ZNF487: variants seen among roughly 807,000 people sequenced by gnomAD.
ZNF487 encodes zinc finger protein 487.
Under a neutral mutation model 3.0 loss-of-function variants are expected in ZNF487, and 4 were observed. The ratio of observed to expected loss-of-function variants is 1.35; its 90% CI spans 0.66 to 3.08. The LOEUF (loss-of-function observed/expected upper bound fraction) is 3.08, where lower values mean the gene tolerates loss of function less well. Among genes scored for constraint, ZNF487 ranks in the 30% most tolerant of loss-of-function variants. ZNF487 has a pLI of 0.01. For synonymous variants in ZNF487, 55 were observed against 34.6 expected (o/e 1.59, Z -2.06); for missense variants, 146 against 98.7 (o/e 1.48, Z -2.03).
intron 1 of ZNF487, chr10:43,451,867 T>G (rs551895773): frequency 5.3e-5 from 8 of 152,278 alleles, no homozygotes; most frequent in Admixed American, 1.3e-4. Flanking sequence ...ACCTGGCCAG[T>G]TTGCACCATT....
At chr10:43,464,863 CCGTT>C (rs1413189798) in intron 1 of ZNF487, among the ~76,000 whole-genome samples, 29 of 152,328 alleles carry the variant, frequency 1.9e-4, no homozygotes, top group Non-Finnish European at 3.5e-4. Context: ...TCATCATGGC[CCGTT>C]CTTAATGAGC....
intron 1 of ZNF487, among the ~76,000 whole-genome samples, chr10:43,473,232 C>G (rs902806202): frequency 6.9e-6 from 1 of 145,596 alleles, no homozygotes; most frequent in Non-Finnish European, 1.5e-5. Context: ...CTCAGCCTCC[C>G]GAGTAGCCAT....
chr10:43,499,344 A>C, the ZNF487 span, among the ~76,000 whole-genome samples: 1 of 152,244 alleles, frequency 6.6e-6, no homozygotes, highest in African/African-American at 2.4e-5. Flanking sequence ...TAATAATTAC[A>C]GGAAGTGAAA....
At chr10:43,497,911 G>A in the ZNF487 span, among the ~76,000 whole-genome samples, 5 of 149,250 alleles carry the variant, frequency 3.4e-5, no homozygotes, top group South Asian at 2.1e-4. Flanking sequence ...AGCTTGCAGC[G>A]AGCCGAGATT....
chr10:43,441,836 G>A (rs538659581), intron 1 of ZNF487, among the ~76,000 whole-genome samples: 1 of 151,550 alleles, frequency 6.6e-6, no homozygotes, highest in Non-Finnish European at 1.5e-5. Flanking sequence ...ATCCACCCGC[G>A]TTGGCCTCCC....
the ZNF487 span, among the ~76,000 whole-genome samples, chr10:43,498,096 TATATTTTTTTTTTTTTTC>T: frequency 7.7e-3 from 81 of 10,462 alleles, 7 homozygotes; most frequent in African/African-American, 0.02. Context: ...TATATATATA[TATATTTTTTTTTTTTTTC>T]TTTTTTTTTT....
intron 1 of ZNF487, among the ~76,000 whole-genome samples, chr10:43,455,904 G>C (rs1270473081): frequency 6.6e-6 from 1 of 152,244 alleles, no homozygotes; most frequent in African/African-American, 2.4e-5. Context: ...GGCGGGCACC[G>C]CCCGCTCTAG....
chr10:43,446,563 G>A (rs1285487153), intron 1 of ZNF487, among the ~76,000 whole-genome samples: 2 of 150,212 alleles, frequency 1.3e-5, no homozygotes, highest in Non-Finnish European at 1.5e-5. Context: ...CAGACGGGGC[G>A]GCCGGGCAGA....
chr10:43,496,674 A>G, the ZNF487 span, among the ~76,000 whole-genome samples: 1 of 152,058 alleles, frequency 6.6e-6, no homozygotes, highest in Non-Finnish European at 1.5e-5. Flanking sequence ...ACTGAAATTT[A>G]TTTCTCCCAG....
At position 43,465,915 on chromosome 10, in the gene ZNF487, C is replaced by T. The variant is rs1046430055; in HGVS notation, c.-93-9806C>T. On this transcript the variant is annotated intron_variant, in intron 1 of 3. Transcript: ENST00000437590. ...TGGGCACCATTGAGCACTGAGTGAA[C>T]GAGACTCTGTCTGCAATCCCGGCAC... is the stretch of plus-strand genomic sequence containing the variant. Among the ~76,000 whole-genome samples, 6 of 152,306 alleles carry T rather than the reference C, an allele frequency of 3.9e-5. No individual in the cohort carries two copies. In the South Asian group the frequency reaches 6.2e-4, roughly 16 times the overall value.
At chr10:43,464,980 C>T (rs1471145077) in intron 1 of ZNF487, among the ~76,000 whole-genome samples, 4 of 150,964 alleles carry the variant, frequency 2.6e-5, no homozygotes, top group South Asian at 4.2e-4. Flanking sequence ...CCGGATGGGG[C>T]GGCTGGCTGG....
At chr10:43,447,013 G>A (rs561062022) in intron 1 of ZNF487, among the ~76,000 whole-genome samples, 21 of 151,964 alleles carry the variant, frequency 1.4e-4, no homozygotes, top group Non-Finnish European at 2.4e-4. Context: ...CCAACACGGC[G>A]AAACCCCGTC....
intron 1 of ZNF487, among the ~76,000 whole-genome samples, chr10:43,444,566 TC>T (rs1564411740): frequency 6.6e-6 from 1 of 151,978 alleles, no homozygotes; most frequent in Non-Finnish European, 1.5e-5. Context: ...TACAGGTTGT[TC>T]GTTTTTTGTT....
chr10:43,456,658 G>C (rs1400686779), intron 1 of ZNF487, among the ~76,000 whole-genome samples: 1 of 152,008 alleles, frequency 6.6e-6, no homozygotes, highest in Non-Finnish European at 1.5e-5. Flanking sequence ...TCGGCTCACT[G>C]TAGCCTCTGC....
chr10:43,476,576 GAT>G (rs1452581491), intron 3 of ZNF487, among the ~76,000 whole-genome samples: 2 of 152,112 alleles, frequency 1.3e-5, no homozygotes, highest in Admixed American at 6.6e-5. Flanking sequence ...CTGTGTTAGA[GAT>G]ATAGCTCTAA....
the ZNF487 span, among the ~76,000 whole-genome samples, chr10:43,495,497 G>A: frequency 6.6e-6 from 1 of 152,090 alleles, no homozygotes; most frequent in Non-Finnish European, 1.5e-5. Context: ...GCCCGCCTGG[G>A]GCTCTCAATG....
intron 1 of ZNF487, among the ~76,000 whole-genome samples, chr10:43,465,436 C>T (rs1840653808): frequency 1.3e-5 from 2 of 149,736 alleles, no homozygotes; most frequent in Non-Finnish European, 3.0e-5. Flanking sequence ...TCAGATGGGG[C>T]AGCTGCCGGG....
the ZNF487 span, among the ~76,000 whole-genome samples, chr10:43,505,674 A>G: frequency 6.8e-6 from 1 of 146,260 alleles, no homozygotes; most frequent in Non-Finnish European, 1.5e-5. Context: ...ATGGAGTTTT[A>G]CTCTTGTCAC....
chr10:43,455,427 C>G (rs1840150065), intron 1 of ZNF487, among the ~76,000 whole-genome samples: 1 of 152,270 alleles, frequency 6.6e-6, no homozygotes, highest in African/African-American at 2.4e-5. Flanking sequence ...CACTCAGCTG[C>G]TTTGCTTTCC....
Sources: allele counts gnomAD v4.1 joint callset (sites outside exome capture counted in the v4.1 genomes callset), GRCh38; gene constraint gnomAD v4.1.1; transcripts MANE v1.5; gene names NCBI Gene and HGNC (gene_info 2026-07-23, HGNC 2026-07-21).